The following CHURC1 variants were observed in gnomAD, a reference collection of about 807,000 sequenced individuals.
CHURC1 encodes the protein churchill domain containing 1.
In CHURC1, 12 loss-of-function variants were observed where a neutral mutation model predicts 15.4. That is an observed-to-expected ratio of 0.78 (90% CI 0.50 to 1.27). CHURC1 has a LOEUF of 1.27. CHURC1 is among the 50% of genes most tolerant of loss of function. CHURC1 has a pLI of 0.00. For synonymous variants in CHURC1, 42 were observed against 47.5 expected (o/e 0.88, Z 0.48); for missense variants, 132 against 137.8 (o/e 0.96, Z 0.21).
rs540807694 is a variant in CHURC1, at chr14:64,933,826, AATG to A, written c.*1602_*1604del. 14 of 985,302 alleles carry A rather than the reference AATG, an allele frequency of 1.4e-5. No homozygotes were observed. In the Admixed American group the frequency reaches 4.3e-4, roughly 30 times the overall value. The allele number at this position is 985,302 out of a possible 1,614,324, so 61.0% of individuals were successfully genotyped here. A position where few individuals can be genotyped will look rare whatever the true frequency, so the allele number is the denominator to read the frequency against. On this transcript the variant is annotated 3_prime_UTR_variant, in exon 4 of 4. Coordinates refer to ENST00000549115, the MANE Select transcript of CHURC1 (RefSeq NM_001386928.1). ...GGGAAAAGCTTTGTTGAATAACAGT[AATG>A]ATGATAATATCTGAGCTTTATTAAG... is the stretch of plus-strand genomic sequence containing the variant.
At chr14:64,929,287 C>T (rs754878063) in intron 3 of CHURC1, among the ~76,000 whole-genome samples, 1 of 152,188 alleles carries the variant, frequency 6.6e-6, no homozygotes, top group Admixed American at 6.5e-5. Context: ...CTCTCTCTAC[C>T]TTCAAGCCAA....
chr14:64,918,373 C>G (rs1884036077), intron 1 of CHURC1, among the ~76,000 whole-genome samples: 1 of 152,194 alleles, frequency 6.6e-6, no homozygotes, highest in Admixed American at 6.5e-5. Flanking sequence ...GAATTAAGCT[C>G]TCTTCCTATT....
intron 1 of CHURC1, 97 bp from the exon 2 acceptor site, chr14:64,923,894 A>T: frequency 3.5e-6 from 4 of 1,141,568 alleles, no homozygotes; most frequent in African/African-American, 1.7e-5. Context: ...GCCATTTTTT[A>T]GTTTTGTTTT....
At position 64,932,421 on chromosome 14, in the gene CHURC1, G is replaced by A. The variant is rs1391701283; in HGVS notation, c.*191G>A. On this transcript the variant is annotated 3_prime_UTR_variant, in exon 4 of 4. Transcript: ENST00000549115. ...TCTAGAGCTGAGCTCTTCTGCTAAA[G>A]TTCAAAGTTCACATCAGTGTAGCCA... The A allele has an allele frequency of 6.8e-6, 9 of 1,327,208 alleles. No individual in the cohort carries two copies. The East Asian group carries it at 2.6e-4, about 38-fold the overall frequency. The allele number at this position is 1,327,208 out of a possible 1,614,324, so 82.2% of individuals were successfully genotyped here.
In CHURC1 at chr14:64,921,629, G is replaced by A. The variant is rs73281707; in HGVS notation, c.40-2362G>A. Among the ~76,000 whole-genome samples, 956 of 152,268 alleles carry A rather than the reference G, an allele frequency of 6.3e-3. 9 individuals carry two copies. The highest frequency in any genetic ancestry group is 0.021 in the African/African-American group (885 of 41,562). The stretch of plus-strand genomic sequence containing the variant: ...CAATGAGATACCACTTTACGTCACT[G>A]AATGGCAAAAATAAAAAGCAGTACC... On this transcript the variant is annotated intron_variant, in intron 1 of 3. Transcript: ENST00000549115.
In CHURC1 at chr14:64,933,456, T is replaced by G; in HGVS notation, c.*1226T>G. The G allele has an allele frequency of 1.0e-6, 1 of 985,470 alleles. No homozygotes were observed. Among genetic ancestry groups the G allele is most frequent in the Non-Finnish European group, 1.2e-6 (1 of 829,930 alleles). 61.0% of individuals were successfully genotyped at this position (985,470 alleles called of 1,614,324 possible). A position where few individuals can be genotyped will look rare whatever the true frequency, so the allele number is the denominator to read the frequency against. ...CTGGCCAGGAGGTTATAAACTGGCA[T>G]TTAGGCCTCTCTGCCATTTAGTAGC... is the stretch of plus-strand genomic sequence containing the variant. On this transcript the variant is annotated 3_prime_UTR_variant, in exon 4 of 4. Coordinates refer to ENST00000549115, the MANE Select transcript of CHURC1 (RefSeq NM_001386928.1).
chr14:64,927,882 G>A (rs1206044448), intron 3 of CHURC1, among the ~76,000 whole-genome samples: 2 of 151,970 alleles, frequency 1.3e-5, no homozygotes, highest in Non-Finnish European at 2.9e-5. Context: ...TACAGTCTGG[G>A]CAACATAGTG....
chr14:64,930,574 T>G (rs1026717359), intron 3 of CHURC1, among the ~76,000 whole-genome samples: 1 of 152,202 alleles, frequency 6.6e-6, no homozygotes, highest in Non-Finnish European at 1.5e-5. Context: ...GATTTAATAG[T>G]CTTGCCAGAT....
At chr14:64,926,211 CTTTTTTTT>C in intron 3 of CHURC1, 131 bp downstream of exon 3, 1 of 187,560 alleles carries the variant, frequency 5.3e-6, no homozygotes. Context: ...GAGACTATGC[CTTTTTTTT>C]TTTTTTTTTT....
intron 3 of CHURC1, among the ~76,000 whole-genome samples, chr14:64,927,912 A>T (rs1256882888): frequency 6.6e-6 from 1 of 152,010 alleles, no homozygotes; most frequent in Non-Finnish European, 1.5e-5. Flanking sequence ...CTCTACTAAA[A>T]AGTAAAAATA....
intron 3 of CHURC1, among the ~76,000 whole-genome samples, chr14:64,929,489 C>A (rs566898839): frequency 6.6e-6 from 1 of 152,296 alleles, no homozygotes; most frequent in Non-Finnish European, 1.5e-5. Flanking sequence ...CCATTACTTA[C>A]TGTCCTTGTC....
intron 3 of CHURC1, chr14:64,931,037 T>C (rs1364031191): frequency 2.2e-5 from 6 of 271,282 alleles, no homozygotes; most frequent in Non-Finnish European, 3.7e-5. Context: ...CTAGTGACTG[T>C]CTAAACCTAA....
intron 3 of CHURC1, among the ~76,000 whole-genome samples, chr14:64,926,745 G>A (rs1884738048): frequency 6.6e-6 from 1 of 152,310 alleles, no homozygotes; most frequent in East Asian, 1.9e-4. Flanking sequence ...GTGTACCATG[G>A]TTGGAGGAGA....
At chr14:64,923,816 G>C (rs1299198343) in intron 1 of CHURC1, among the ~76,000 whole-genome samples, 175 bp from the exon 2 acceptor site, 1 of 131,844 alleles carries the variant, frequency 7.6e-6, no homozygotes, top group Middle Eastern at 4.2e-3. Context: ...TTTAACATGA[G>C]TAACACTTCT....
In CHURC1 at chr14:64,935,351, AAAAG is replaced by A; in HGVS notation, c.*3122_*3125del. The A allele has an allele frequency of 4.2e-6, 4 of 951,892 alleles. No individual in the cohort carries two copies. Among genetic ancestry groups the A allele is most frequent in the Non-Finnish European group, 5.0e-6 (4 of 799,618 alleles). The allele number at this position is 951,892 out of a possible 1,614,324, so 59.0% of individuals were successfully genotyped here. A position where few individuals can be genotyped will look rare whatever the true frequency, so the allele number is the denominator to read the frequency against. ...AAGTATAATAATAATAAAATAAAAA[AAAAG>A]GAATTAGGCAAAACATGGCTCTTCT... On this transcript the variant is annotated 3_prime_UTR_variant, in exon 4 of 4. Transcript: ENST00000549115.
At position 64,933,975 on chromosome 14, in the gene CHURC1, A is replaced by T; in HGVS notation, c.*1745A>T. On this transcript the variant is annotated 3_prime_UTR_variant, in exon 4 of 4. Transcript: ENST00000549115. Reference sequence around the variant, plus strand: ...TATGGCTTGTTATTTGTAAGTTATCATGAAAAGGTTTATATTCACTATTCT... The same window carrying T: ...TATGGCTTGTTATTTGTAAGTTATCTTGAAAAGGTTTATATTCACTATTCT... The T allele has an allele frequency of 2.0e-6, 2 of 985,452 alleles. No individual in the cohort carries two copies. The highest frequency in any genetic ancestry group is 2.4e-6 in the Non-Finnish European group (2 of 829,928). 61.0% of individuals were successfully genotyped at this position (985,452 alleles called of 1,614,324 possible).
At chr14:64,923,755 AG>A (rs1314287788) in intron 1 of CHURC1, among the ~76,000 whole-genome samples, 3 of 147,412 alleles carry the variant, frequency 2.0e-5, no homozygotes, top group African/African-American at 7.4e-5. Flanking sequence ...CAGTCCTTAC[AG>A]ACTTAAGGAT....
At position 64,933,292 on chromosome 14, in the gene CHURC1, C is replaced by G; in HGVS notation, c.*1062C>G. 1.2e-6 allele frequency: 1 copy of G among 844,444 alleles called. No individual in the cohort carries two copies. Among genetic ancestry groups the G allele is most frequent in the Non-Finnish European group, 1.4e-6 (1 of 701,424 alleles). The allele number at this position is 844,444 out of a possible 1,614,324, so 52.3% of individuals were successfully genotyped here. Reference sequence around the variant, plus strand: ...GTATCCTACATGGAATTATATACCACGAAAAGAAAAAAAGGTCATTTGGTA... The same window carrying G: ...GTATCCTACATGGAATTATATACCAGGAAAAGAAAAAAAGGTCATTTGGTA... On this transcript the variant is annotated 3_prime_UTR_variant, in exon 4 of 4. Coordinates refer to ENST00000549115, the MANE Select transcript of CHURC1 (RefSeq NM_001386928.1).
chr14:64,924,276 C>A, intron 2 of CHURC1, 150 bp downstream of exon 2: 1 of 880,898 alleles, frequency 1.1e-6, no homozygotes, highest in Non-Finnish European at 1.5e-6. Context: ...ATGTCATTAA[C>A]ACCTCATTTA....
Sources: gnomAD v4.1 joint callset for allele counts (sites outside exome capture counted in the v4.1 genomes callset) on GRCh38, gnomAD v4.1.1 for gene constraint, MANE v1.5 for transcripts, NCBI Gene and HGNC (gene_info 2026-07-23, HGNC 2026-07-21) for gene names.